The following LGR5 variants were observed in gnomAD, a reference collection of about 807,000 sequenced individuals.
The protein encoded by LGR5 is leucine-rich repeat-containing G protein-coupled receptor 5.
LGR5 carries 54 observed loss-of-function variants against 76.7 expected under a neutral mutation model. The observed-to-expected ratio is 0.70, with a 90% CI of 0.57 to 0.88. LGR5 has a LOEUF of 0.88. LGR5 is among the 40% of genes least tolerant of loss of function. The pLI is 0.00. For synonymous variants in LGR5, 406 were observed against 421.9 expected, an observed-to-expected ratio of 0.96 and a Z score of 0.46; for missense variants, 1,078 against 1,073.3, an observed-to-expected ratio of 1.00 and a Z score of -0.06.
At chr12:71,553,313 T>C (rs1036588101) in intron 5 of LGR5, 25 bp downstream of exon 5, 3 of 1,582,366 alleles carry the variant, frequency 1.9e-6, no homozygotes, top group African/African-American at 1.3e-5. Flanking sequence ...TTTTGCTCTC[T>C]TTTAACAGTT....
chr12:71,566,755 T>C, intron 10 of LGR5, 55 bp downstream of exon 10: 2 of 1,560,156 alleles, frequency 1.3e-6, no homozygotes, highest in Admixed American at 1.7e-5. Flanking sequence ...CCATTAGAGC[T>C]TGATCAGTCT....
rs1057510273 is a variant in LGR5, at chr12:71,585,626, C to T, written c.*892C>T. On this transcript the variant is annotated 3_prime_UTR_variant, in exon 18 of 18. Transcript: ENST00000266674. ...TTGCAATAAGTTTTATCAGTTGATT[C>T]AAACTGATGTGCATCTTAATGATCA... 1.3e-5 allele frequency: 2 copies of T among 152,154 alleles called. No homozygotes were observed. Among genetic ancestry groups the T allele is most frequent in the Non-Finnish European group, 2.9e-5 (2 of 68,034 alleles). The allele number at this position is 152,154 out of a possible 1,614,324, so 9.4% of individuals were successfully genotyped here. A position where few individuals can be genotyped will look rare whatever the true frequency, so the allele number is the denominator to read the frequency against.
At chr12:71,479,904 C>G (rs1262714717) in intron 1 of LGR5, among the ~76,000 whole-genome samples, 1 of 152,122 alleles carries the variant, frequency 6.6e-6, no homozygotes. Context: ...GTCAACCATG[C>G]TTAGGCATTT....
chr12:71,546,139 C>T (rs990470248), intron 4 of LGR5, among the ~76,000 whole-genome samples: 2 of 151,904 alleles, frequency 1.3e-5, no homozygotes, highest in Non-Finnish European at 2.9e-5. Context: ...ATGGGGAAAC[C>T]CTGTCTCTAC....
At chr12:71,513,360 A>G (rs1024678369) in intron 2 of LGR5, among the ~76,000 whole-genome samples, 3 of 152,218 alleles carry the variant, frequency 2.0e-5, no homozygotes, top group Non-Finnish European at 2.9e-5. Flanking sequence ...CTGATAGCCA[A>G]TGCCTCAAGT....
intron 13 of LGR5, among the ~76,000 whole-genome samples, chr12:71,574,301 C>CAA (rs1726461): frequency 0.19 from 9,411 of 50,198 alleles, 2,055 homozygotes; most frequent in East Asian, 0.33. Context: ...GACTCTGTCT[C>CAA]AAAAAAAAAA....
At chr12:71,448,231 C>G (rs1872103133) in intron 1 of LGR5, among the ~76,000 whole-genome samples, 1 of 151,788 alleles carries the variant, frequency 6.6e-6, no homozygotes, top group Non-Finnish European at 1.5e-5. Flanking sequence ...CTCCTTTTTT[C>G]TTGAAACCTT....
intron 4 of LGR5, among the ~76,000 whole-genome samples, chr12:71,552,259 T>A (rs1256916610): frequency 6.6e-6 from 1 of 151,752 alleles, no homozygotes; most frequent in African/African-American, 2.4e-5. Flanking sequence ...AATAAAAAAA[T>A]TAAAAATTAA....
At chr12:71,496,363 A>G (rs1874316628) in intron 1 of LGR5, among the ~76,000 whole-genome samples, 1 of 101,486 alleles carries the variant, frequency 9.9e-6, no homozygotes, top group Admixed American at 1.2e-4. Context: ...GGAAGACTCC[A>G]TCTCAACAAA....
At chr12:71,483,751 C>T (rs946829446) in intron 1 of LGR5, among the ~76,000 whole-genome samples, 16 of 151,700 alleles carry the variant, frequency 1.1e-4, no homozygotes, top group Non-Finnish European at 1.9e-4. Context: ...AATTAGGTTG[C>T]ATGTGTGTGT....
At chr12:71,577,888 T>C (rs1322737932) in intron 13 of LGR5, 37 bp from the exon 14 acceptor site, 1 of 1,331,508 alleles carries the variant, frequency 7.5e-7, no homozygotes, top group Admixed American at 1.7e-5. Flanking sequence ...TGTTCTTTAT[T>C]CTATATAATT....
intron 1 of LGR5, among the ~76,000 whole-genome samples, chr12:71,454,014 G>A (rs987151867): frequency 2.0e-5 from 3 of 152,126 alleles, no homozygotes; most frequent in Non-Finnish European, 4.4e-5. Context: ...TGTGTTTCAA[G>A]CAGGAAGCCT....
At chr12:71,446,364 G>A (rs1036185571) in intron 1 of LGR5, among the ~76,000 whole-genome samples, 10 of 152,134 alleles carry the variant, frequency 6.6e-5, no homozygotes, top group African/African-American at 2.4e-4. Context: ...TATTGTAATA[G>A]CAATAGTCAT....
intron 2 of LGR5, among the ~76,000 whole-genome samples, chr12:71,506,675 GT>G (rs1405659520): frequency 6.6e-6 from 1 of 152,112 alleles, no homozygotes; most frequent in African/African-American, 2.4e-5. Context: ...GCCTCATTCT[GT>G]TCTGGAATTC....
At chr12:71,535,029 T>C in intron 3 of LGR5, 86 bp from the exon 4 acceptor site, 2 of 834,692 alleles carry the variant, frequency 2.4e-6, no homozygotes, top group Non-Finnish European at 3.8e-6. Flanking sequence ...GTTGTTTTTC[T>C]GACACCTGGA....
intron 13 of LGR5, among the ~76,000 whole-genome samples, chr12:71,577,106 T>C (rs1313770057): frequency 1.3e-5 from 2 of 152,220 alleles, no homozygotes; most frequent in Non-Finnish European, 2.9e-5. Context: ...TCATAAACTT[T>C]TCTACACTTA....
chr12:71,559,655 G>GT lies in LGR5; in HGVS notation c.785+2dup. 3 of 1,489,078 alleles carry GT rather than the reference G, an allele frequency of 2.0e-6. No individual in the cohort carries two copies. Among genetic ancestry groups the GT allele is most frequent in the Non-Finnish European group, 2.8e-6 (3 of 1,068,564 alleles). 92.2% of individuals were successfully genotyped at this position (1,489,078 alleles called of 1,614,324 possible). A position where few individuals can be genotyped will look rare whatever the true frequency, so the allele number is the denominator to read the frequency against. On this transcript the variant is annotated splice_donor_variant, in intron 7 of 17. Coordinates refer to ENST00000266674, the MANE Select transcript of LGR5 (RefSeq NM_003667.4). LOFTEE classifies it high-confidence loss of function. ...GGACACTCTCCAACCTTAAAGAACT[G>GT]TAAGTATTTAGGACAATTTTAATGG... is the stretch of plus-strand genomic sequence containing the variant.
At chr12:71,570,984 T>A (rs570243296) in intron 11 of LGR5, among the ~76,000 whole-genome samples, 1 of 152,360 alleles carries the variant, frequency 6.6e-6, no homozygotes, top group African/African-American at 2.4e-5. Context: ...TATAAATATG[T>A]CCAGATGTTT....
At chr12:71,527,418 C>T (rs992558860) in intron 3 of LGR5, among the ~76,000 whole-genome samples, 3 of 152,158 alleles carry the variant, frequency 2.0e-5, no homozygotes, top group African/African-American at 7.2e-5. Flanking sequence ...CTGCTTTCTG[C>T]TTCCAAGATG....
Sources: gnomAD v4.1 joint callset for allele counts (sites outside exome capture counted in the v4.1 genomes callset) on GRCh38, gnomAD v4.1.1 for gene constraint, MANE v1.5 for transcripts, NCBI Gene and HGNC (gene_info 2026-07-23, HGNC 2026-07-21) for gene names.